Variants in SLC25A37 observed in about 807,000 individuals in gnomAD.
SLC25A37 encodes the protein mitoferrin-1.
SLC25A37 carries 17 observed loss-of-function variants against 31.0 expected under a neutral mutation model. That is an observed-to-expected ratio of 0.55 (90% confidence interval 0.38 to 0.82). The LOEUF (loss-of-function observed/expected upper bound fraction) is 0.82, where lower values mean the gene tolerates loss of function less well. Ranked by LOEUF, SLC25A37 falls within the 40% of genes least tolerant of loss-of-function variation. The pLI is 0.00. For missense variants in SLC25A37, 404 were observed against 465.8 expected, an observed-to-expected ratio of 0.87 and a Z score of 1.22; for synonymous variants, 222 against 193.0, an observed-to-expected ratio of 1.15 and a Z score of -1.24.
intron 1 of SLC25A37, among the ~76,000 whole-genome samples, chr8:23,562,319 A>G (rs1270918345): frequency 6.6e-6 from 1 of 152,224 alleles, no homozygotes; most frequent in African/African-American, 2.4e-5. Flanking sequence ...ATGCGGTGAC[A>G]CGTGAACTTT....
At position 23,568,323 on chromosome 8, in the gene SLC25A37, G is replaced by A. The variant is rs776967167; in HGVS notation, c.441G>A (p.Gly147=). Residue 147 remains glycine, a splice_region_variant and synonymous_variant, in exon 3 of 4, where the codon GGG becomes GGA. Coordinates refer to ENST00000519973, the MANE Select transcript of SLC25A37 (RefSeq NM_016612.4). The part of the protein sequence containing the change: ...HHQGNSHLAN[G]IAGSMATLLH... Reference sequence around the variant, plus strand: ...AATTTTCTGGAGTTTGTTTTGCAGGGATAGCTGGGAGTATGGCCACCCTGC... The same window carrying A: ...AATTTTCTGGAGTTTGTTTTGCAGGAATAGCTGGGAGTATGGCCACCCTGC... 6.2e-7 allele frequency: 1 copy of A among 1,613,854 alleles called. No homozygotes were observed. The highest frequency in any genetic ancestry group is 8.5e-7 in the Non-Finnish European group (1 of 1,179,854).
intron 1 of SLC25A37, among the ~76,000 whole-genome samples, chr8:23,536,233 C>T (rs946354411): frequency 6.6e-6 from 1 of 152,188 alleles, no homozygotes; most frequent in African/African-American, 2.4e-5. Flanking sequence ...CTCACCTTGA[C>T]CTCACATGCA....
intron 1 of SLC25A37, among the ~76,000 whole-genome samples, chr8:23,543,659 C>T (rs1007295759): frequency 3.3e-5 from 5 of 152,142 alleles, no homozygotes; most frequent in Non-Finnish European, 5.9e-5. Context: ...CCCAGCTTCC[C>T]GAGTTGCTGG....
Position 23,574,912 on chromosome 8 carries a change from G to A in SLC25A37, c.*3057G>A, listed in dbSNP as rs1239091155. 1.3e-5 allele frequency: 2 copies of A among 152,710 alleles called. No individual in the cohort carries two copies. The highest frequency in any genetic ancestry group is 4.8e-5 in the African/African-American group (2 of 41,450). The allele number at this position is 152,710 out of a possible 1,614,324, so 9.5% of individuals were successfully genotyped here. ...GTACTTTTACATGATGTGTGTGTGAGTAGCTCTTCTGTCCAAACCATGATT... is the reference window on the plus strand; with the variant it reads ...GTACTTTTACATGATGTGTGTGTGAATAGCTCTTCTGTCCAAACCATGATT... On this transcript the variant is annotated 3_prime_UTR_variant, in exon 4 of 4. Coordinates refer to ENST00000519973, the MANE Select transcript of SLC25A37 (RefSeq NM_016612.4).
intron 1 of SLC25A37, chr8:23,543,142 T>C (rs1030101029): frequency 6.6e-6 from 1 of 152,082 alleles, no homozygotes; most frequent in Non-Finnish European, 1.5e-5. Flanking sequence ...GATCATAGTT[T>C]ACTGCAGCCT....
At chr8:23,557,842 C>T (rs939597218) in intron 1 of SLC25A37, among the ~76,000 whole-genome samples, 1 of 152,220 alleles carries the variant, frequency 6.6e-6, no homozygotes, top group African/African-American at 2.4e-5. Context: ...AATTCTGAAG[C>T]AGACATTGGG....
At chr8:23,563,275 C>T (rs1472316798) in intron 1 of SLC25A37, among the ~76,000 whole-genome samples, 1 of 152,214 alleles carries the variant, frequency 6.6e-6, no homozygotes, top group African/African-American at 2.4e-5. Context: ...CAGCCTCAAA[C>T]TCCTGGGCTC....
At chr8:23,545,951 A>G (rs1177388869) in intron 1 of SLC25A37, among the ~76,000 whole-genome samples, 1 of 152,182 alleles carries the variant, frequency 6.6e-6, no homozygotes, top group Non-Finnish European at 1.5e-5. Flanking sequence ...CCTGGCCAAC[A>G]TGGTGAAACC....
intron 1 of SLC25A37, among the ~76,000 whole-genome samples, chr8:23,544,108 C>T (rs575033962): frequency 1.3e-5 from 2 of 152,176 alleles, no homozygotes; most frequent in African/African-American, 4.8e-5. Flanking sequence ...GATCCACCTG[C>T]CCTAGCCTCC....
chr8:23,532,971 G>T lies in SLC25A37; in HGVS notation c.210+3759G>T, dbSNP rs572906495. Among the ~76,000 whole-genome samples the T allele has an allele frequency of 2.2e-4, 33 of 152,320 alleles. No homozygotes were observed. The East Asian group carries it at 5.4e-3, about 25-fold the overall frequency. On this transcript the variant is annotated intron_variant, in intron 1 of 3. Coordinates refer to ENST00000519973, the MANE Select transcript of SLC25A37 (RefSeq NM_016612.4). ...TCAGAAGGGCGTGAAATCCCAAATT[G>T]CTCTAGTTCCTGGGACAAAACTATA...
rs954439579 is a variant in SLC25A37, at chr8:23,529,295, C to CG, written c.210+87dup. The CG allele has an allele frequency of 5.8e-6, 8 of 1,377,008 alleles. No individual in the cohort carries two copies. The African/African-American group carries it at 1.2e-4, about 20-fold the overall frequency. 85.3% of individuals were successfully genotyped at this position (1,377,008 alleles called of 1,614,324 possible). A position where few individuals can be genotyped will look rare whatever the true frequency, so the allele number is the denominator to read the frequency against. On this transcript the variant is annotated intron_variant, in intron 1 of 3. Coordinates refer to ENST00000519973, the MANE Select transcript of SLC25A37 (RefSeq NM_016612.4). This position sits in a 1 kb window ranked among gnomAD's most constrained non-coding sequence, Gnocchi z 4.1. ...TTTGCATCCCGCGCGCCGGCAGCCT[C>CG]GGGGCAGCGTCCCGAAACCGAGCTC...
Position 23,529,230 on chromosome 8 carries a change from T to C in SLC25A37, c.210+18T>C. 1.3e-6 allele frequency: 2 copies of C among 1,598,174 alleles called. No homozygotes were observed. Among genetic ancestry groups the C allele is most frequent in the Non-Finnish European group, 8.5e-7 (1 of 1,173,468 alleles). On this transcript the variant is annotated intron_variant, in intron 1 of 3. Coordinates refer to ENST00000519973, the MANE Select transcript of SLC25A37 (RefSeq NM_016612.4). The surrounding 1 kb of genome is among the most constrained non-coding windows in gnomAD (Gnocchi z 4.1). ...CGGTGAAGGTGAGGCGCGGGGAGAC[T>C]TCGGGGACGCAACGAGCGGAGAAGG...
At chr8:23,533,464 T>G (rs1294732031) in intron 1 of SLC25A37, among the ~76,000 whole-genome samples, 1 of 152,238 alleles carries the variant, frequency 6.6e-6, no homozygotes, top group African/African-American at 2.4e-5. Context: ...TGGCTTCCAC[T>G]TGGGCACGTT....
intron 1 of SLC25A37, among the ~76,000 whole-genome samples, chr8:23,551,050 G>A (rs957543690): frequency 6.6e-6 from 1 of 152,292 alleles, no homozygotes; most frequent in African/African-American, 2.4e-5. Context: ...CAGCAGTGTC[G>A]GGAATCTTGG....
At position 23,574,020 on chromosome 8, in the gene SLC25A37, T is replaced by C. The variant is rs1802928772; in HGVS notation, c.*2165T>C. 2 of 357,368 alleles carry C rather than the reference T, an allele frequency of 5.6e-6. No individual in the cohort carries two copies. The highest frequency in any genetic ancestry group is 4.1e-5 in the South Asian group (2 of 49,340). 22.1% of individuals were successfully genotyped at this position (357,368 alleles called of 1,614,324 possible). On this transcript the variant is annotated 3_prime_UTR_variant, in exon 4 of 4. Transcript: ENST00000519973. Reference sequence around the variant, plus strand: ...TTCAAAGTAGAATTTAAAGCAAATTTGTAAAAAAATTATCCTACCACCCCT... The same window carrying C: ...TTCAAAGTAGAATTTAAAGCAAATTCGTAAAAAAATTATCCTACCACCCCT...
At chr8:23,553,265 CA>C (rs763537291) in intron 1 of SLC25A37, among the ~76,000 whole-genome samples, 144 of 152,012 alleles carry the variant, frequency 9.5e-4, no homozygotes, top group Admixed American at 3.5e-3. Flanking sequence ...TACCAAAAAA[CA>C]CAAAAATTAG....
At position 23,566,282 on chromosome 8, in the gene SLC25A37, A is replaced by G; in HGVS notation, c.385A>G (p.Lys129Glu). Residue 129 changes from lysine (K) to glutamate (E), a missense_variant, in exon 2 of 4, where the codon AAA becomes GAA. By Grantham distance (56) the Lys-to-Glu change is moderately conservative (BLOSUM62 1). Coordinates refer to ENST00000519973, the MANE Select transcript of SLC25A37 (RefSeq NM_016612.4). ...AMYFACYENMKRTLNDVFHHQ... is the reference protein window; with the variant it reads ...AMYFACYENMERTLNDVFHHQ... ...GTATTTTGCCTGCTATGAAAACATG[A>G]AAAGGACTTTAAATGACGTTTTCCA... is the stretch of plus-strand genomic sequence containing the variant. 1.3e-6 allele frequency: 2 copies of G among 1,598,240 alleles called. No individual in the cohort carries two copies. Among genetic ancestry groups the G allele is most frequent in the Non-Finnish European group, 1.7e-6 (2 of 1,174,676 alleles).
chr8:23,555,781 A>G (rs952035710), intron 1 of SLC25A37, among the ~76,000 whole-genome samples: 4 of 152,224 alleles, frequency 2.6e-5, no homozygotes, highest in African/African-American at 9.6e-5. Flanking sequence ...CATTGGTGGA[A>G]AGACAGAGGA....
chr8:23,539,926 A>G (rs1367597513), intron 1 of SLC25A37, among the ~76,000 whole-genome samples: 8 of 152,202 alleles, frequency 5.3e-5, no homozygotes, highest in Non-Finnish European at 4.4e-5. Context: ...AACTTTACCC[A>G]TTTCAGTGTT....
Sources: gnomAD v4.1 joint callset for allele counts (sites outside exome capture counted in the v4.1 genomes callset) on GRCh38, gnomAD v4.1.1 for gene constraint, Gnocchi (gnomAD v3.1) non-coding constraint, MANE v1.5 for transcripts, NCBI Gene and HGNC (gene_info 2026-07-23, HGNC 2026-07-21) for gene names.